The following ZNF667 variants were observed in gnomAD, a reference collection of about 807,000 sequenced individuals.
The protein encoded by ZNF667 is zinc finger protein 667, also known as myocardial ischemic preconditioning upregulated 1 ortholog.
In ZNF667, 13 loss-of-function variants were observed where a neutral mutation model predicts 31.8. That is an observed-to-expected ratio of 0.41 (90% CI 0.27 to 0.65). ZNF667 has a LOEUF of 0.65. ZNF667 is among the 30% of genes least tolerant of loss of function. The pLI is 0.32. For missense variants in ZNF667, 642 were observed against 725.6 expected, an observed-to-expected ratio of 0.88 and a Z score of 1.32; for synonymous variants, 228 against 247.1, an observed-to-expected ratio of 0.92 and a Z score of 0.73.
At chr19:56,475,429 G>T (rs907214698) in intron 1 of ZNF667, 2 of 152,168 alleles carry the variant, frequency 1.3e-5, no homozygotes, top group Non-Finnish European at 2.9e-5. Context: ...TCATGCCTTC[G>T]GTCTGTCCAT....
Position 56,441,435 on chromosome 19 carries a change from A to G in ZNF667, c.1560T>C (p.Ile520=), listed in dbSNP as rs2042598853. The change falls in exon 7 of 7, where the codon ATT becomes ATC. Residue 520 remains isoleucine, a synonymous_variant. Coordinates refer to ENST00000504904, the MANE Select transcript of ZNF667 (RefSeq NM_001321356.2). This position sits in a 1 kb window ranked among gnomAD's most constrained non-coding sequence, Gnocchi z 4.2. ...ATGTATATGGCTTCTCTCCAGTGTG[A>G]ATTCTTTCATGTTGGGCGAGGTGTG... ...QSAHLAQHER[I]HTGEKPYTCK... 6.2e-7 allele frequency: 1 copy of G among 1,614,104 alleles called. No individual in the cohort carries two copies. The highest frequency in any genetic ancestry group is 2.2e-5 in the East Asian group (1 of 44,866).
chr19:56,464,801 AC>A (rs1387410240), intron 3 of ZNF667, among the ~76,000 whole-genome samples: 1 of 152,148 alleles, frequency 6.6e-6, no homozygotes, highest in African/African-American at 2.4e-5. Flanking sequence ...AGGGCTGAGA[AC>A]CTACCTAGCA....
chr19:56,441,023 A>G lies in ZNF667; in HGVS notation c.*139T>C, dbSNP rs1199486596. 3.5e-6 allele frequency: 5 copies of G among 1,443,780 alleles called. No individual in the cohort carries two copies. The highest frequency in any genetic ancestry group is 2.8e-5 in the African/African-American group (2 of 70,458). 89.4% of individuals were successfully genotyped at this position (1,443,780 alleles called of 1,614,324 possible). ...TCAAATCCTGAGGTCAAAATCACCA[A>G]TGACTTTTGCTCTTTGGCTTTCAAA... On this transcript the variant is annotated 3_prime_UTR_variant, in exon 7 of 7. Coordinates refer to ENST00000504904, the MANE Select transcript of ZNF667 (RefSeq NM_001321356.2). The surrounding 1 kb of genome is among the most constrained non-coding windows in gnomAD (Gnocchi z 4.2).
intron 1 of ZNF667, chr19:56,474,535 A>C (rs1158318271): frequency 6.6e-6 from 1 of 152,306 alleles, no homozygotes; most frequent in African/African-American, 2.4e-5. Flanking sequence ...CCTCACTTGC[A>C]GGATGGGGCT....
upstream of ZNF667, chr19:56,477,460 G>C (rs1398227838): frequency 1.3e-5 from 2 of 152,254 alleles, no homozygotes; most frequent in Non-Finnish European, 1.5e-5. Context: ...CCCGCCTCTC[G>C]GGGACAGTAC....
intron 6 of ZNF667, among the ~76,000 whole-genome samples, chr19:56,456,519 G>A (rs1038810304): frequency 3.3e-5 from 5 of 152,052 alleles, no homozygotes; most frequent in Non-Finnish European, 4.4e-5. Context: ...TAGTGCCTAG[G>A]GTTTTTTACT....
At chr19:56,472,214 T>C (rs1428391593) in intron 2 of ZNF667, 27 bp from the exon 3 acceptor site, 1 of 152,232 alleles carries the variant, frequency 6.6e-6, no homozygotes, top group African/African-American at 2.4e-5. Flanking sequence ...AGCAGTTTGA[T>C]ATTAGGTAAT....
chr19:56,460,899 G>A (rs2043032161), intron 4 of ZNF667, 84 bp from the exon 5 acceptor site: 1 of 1,375,166 alleles, frequency 7.3e-7, no homozygotes, highest in Non-Finnish European at 9.6e-7. Flanking sequence ...TCTTAAACAT[G>A]GGAGACACAA....
intron 2 of ZNF667, chr19:56,472,480 G>C (rs1001448626): frequency 1.3e-5 from 2 of 151,828 alleles, no homozygotes; most frequent in South Asian, 2.1e-4. Flanking sequence ...TTTTTCAATA[G>C]AAGTTACACT....
intron 3 of ZNF667, among the ~76,000 whole-genome samples, chr19:56,471,412 T>C (rs1346806456): frequency 6.6e-6 from 1 of 152,194 alleles, no homozygotes; most frequent in Non-Finnish European, 1.5e-5. Context: ...TCACCTGGCA[T>C]GGGGCTGAAT....
At chr19:56,475,326 G>C (rs2043380827) in intron 1 of ZNF667, 1 of 152,170 alleles carries the variant, frequency 6.6e-6, no homozygotes, top group Non-Finnish European at 1.5e-5. Flanking sequence ...GCTTACCCGG[G>C]CTGCAGGCCG....
chr19:56,460,470 A>G (rs1474171897), intron 5 of ZNF667, among the ~76,000 whole-genome samples: 1 of 152,202 alleles, frequency 6.6e-6, no homozygotes, highest in Non-Finnish European at 1.5e-5. Flanking sequence ...ATGAAAATAT[A>G]ATTGATTGTG....
intron 3 of ZNF667, chr19:56,468,293 T>C (rs905779342): frequency 6.6e-6 from 1 of 152,230 alleles, no homozygotes; most frequent in South Asian, 2.1e-4. Flanking sequence ...GCATACCTGA[T>C]TGCTCCCTTT....
At chr19:56,469,873 A>C (rs530928663) in intron 3 of ZNF667, 3 of 464,036 alleles carry the variant, frequency 6.5e-6, no homozygotes, top group South Asian at 4.6e-5. Context: ...AATAAATATT[A>C]ACTTTCTTTA....
Position 56,440,914 on chromosome 19 carries a change from C to G in ZNF667, c.*248G>C. 1 of 1,318,320 alleles carries G rather than the reference C, an allele frequency of 7.6e-7. No homozygotes were observed. The highest frequency in any genetic ancestry group is 9.7e-7 in the Non-Finnish European group (1 of 1,032,668). The allele number at this position is 1,318,320 out of a possible 1,614,324, so 81.7% of individuals were successfully genotyped here. ...CTGGGGTTACAGGTGTAAGCCACTG[C>G]GCCCAGCCAGTAATTCTTATCAAAT... On this transcript the variant is annotated 3_prime_UTR_variant, in exon 7 of 7. Coordinates refer to ENST00000504904, the MANE Select transcript of ZNF667 (RefSeq NM_001321356.2).
chr19:56,444,005 A>C, intron 6 of ZNF667: 1 of 373,368 alleles, frequency 2.7e-6, no homozygotes. Flanking sequence ...AGTATAAAAC[A>C]TATGCCAGAC....
At chr19:56,456,068 G>A (rs897239000) in intron 6 of ZNF667, among the ~76,000 whole-genome samples, 9 of 152,188 alleles carry the variant, frequency 5.9e-5, no homozygotes, top group African/African-American at 2.2e-4. Context: ...TTCTACAAGT[G>A]TTGTGAGGAC....
intron 3 of ZNF667, among the ~76,000 whole-genome samples, chr19:56,464,346 T>C (rs1231034594): frequency 6.6e-6 from 1 of 151,914 alleles, no homozygotes; most frequent in East Asian, 1.9e-4. Flanking sequence ...ATTAAAAAAT[T>C]AGCTGAGTGT....
chr19:56,461,912 C>T (rs999920023), intron 4 of ZNF667, among the ~76,000 whole-genome samples: 2 of 152,200 alleles, frequency 1.3e-5, no homozygotes, highest in African/African-American at 4.8e-5. Flanking sequence ...ATGGGTTTTA[C>T]AAGGAGATAC....
Sources: gnomAD v4.1 joint callset for allele counts (sites outside exome capture counted in the v4.1 genomes callset) on GRCh38, gnomAD v4.1.1 for gene constraint, Gnocchi (gnomAD v3.1) non-coding constraint, MANE v1.5 for transcripts, NCBI Gene and HGNC (gene_info 2026-07-23, HGNC 2026-07-21) for gene names.